Variants in KAT6B observed in about 807,000 individuals in gnomAD.
KAT6B encodes lysine acetyltransferase 6B, also known as histone acetyltransferase KAT6B.
In KAT6B, 10 loss-of-function variants were observed where a neutral mutation model predicts 187.5. The ratio of observed to expected loss-of-function variants is 0.05; its 90% CI spans 0.03 to 0.09. The LOEUF (loss-of-function observed/expected upper bound fraction) is 0.09. Ranked by LOEUF, KAT6B falls within the 10% of genes least tolerant of loss-of-function variation. The pLI is 1.00. For synonymous variants in KAT6B, 861 were observed against 926.8 expected, an observed-to-expected ratio of 0.93 and a Z score of 1.29; for missense variants, 1,952 against 2,558.9, an observed-to-expected ratio of 0.76 and a Z score of 5.12.
chr10:74,985,338 A>G, intron 12 of KAT6B, 97 bp downstream of exon 12: 1 of 1,186,064 alleles, frequency 8.4e-7, no homozygotes, highest in Non-Finnish European at 1.2e-6. Context: ...CTATAATTTG[A>G]ATAAGTGACA....
At chr10:75,008,062 C>T (rs1844343863) in intron 13 of KAT6B, among the ~76,000 whole-genome samples, 1 of 152,174 alleles carries the variant, frequency 6.6e-6, no homozygotes, top group Non-Finnish European at 1.5e-5. Flanking sequence ...CTGTAAATTT[C>T]ACTTTCACTC....
chr10:74,914,508 A>G (rs1847506854), intron 3 of KAT6B, among the ~76,000 whole-genome samples: 1 of 152,214 alleles, frequency 6.6e-6, no homozygotes, highest in Admixed American at 6.5e-5. Flanking sequence ...ATTTACTACA[A>G]AGGTTAAAGC....
intron 4 of KAT6B, 94 bp from the exon 5 acceptor site, chr10:74,969,566 G>A (rs1841714581): frequency 1.3e-6 from 1 of 748,946 alleles, no homozygotes; most frequent in African/African-American, 1.7e-5. Context: ...TCATTGGCTA[G>A]CCTCATCAGC....
At chr10:74,839,524 G>A (rs377410603) in intron 2 of KAT6B, among the ~76,000 whole-genome samples, 20 of 152,146 alleles carry the variant, frequency 1.3e-4, no homozygotes, top group African/African-American at 4.8e-4. Context: ...GAGCCACCAC[G>A]CCCGGCTATG....
At chr10:75,024,258 A>G (rs1845647177) in intron 16 of KAT6B, 1 of 150,472 alleles carries the variant, frequency 6.6e-6, no homozygotes, top group African/African-American at 2.4e-5. Context: ...AAAATAAAAG[A>G]AAAAAATATT....
intron 3 of KAT6B, among the ~76,000 whole-genome samples, chr10:74,866,590 T>A (rs540389005): frequency 7.4e-4 from 113 of 151,856 alleles, no homozygotes; most frequent in African/African-American, 2.6e-3. Flanking sequence ...GTAGATTTAC[T>A]AAAAAAAAGG....
intron 3 of KAT6B, among the ~76,000 whole-genome samples, chr10:74,859,144 G>A (rs1424598064): frequency 6.6e-6 from 1 of 151,978 alleles, no homozygotes; most frequent in African/African-American, 2.4e-5. Context: ...GCAGTGGCAC[G>A]ATCTTGGCTC....
chr10:74,994,029 C>A (rs1843270939), intron 13 of KAT6B, among the ~76,000 whole-genome samples: 2 of 152,096 alleles, frequency 1.3e-5, no homozygotes, highest in Non-Finnish European at 2.9e-5. Flanking sequence ...ATATAAATAT[C>A]AATTCTCATC....
At chr10:75,017,155 G>A (rs540763805) in intron 13 of KAT6B, among the ~76,000 whole-genome samples, 15 of 151,494 alleles carry the variant, frequency 9.9e-5, no homozygotes, top group Admixed American at 2.6e-4. Context: ...GAGCCACCGC[G>A]CCCAGCCAAG....
chr10:75,016,275 C>T (rs1844967947), intron 13 of KAT6B, among the ~76,000 whole-genome samples: 1 of 152,198 alleles, frequency 6.6e-6, no homozygotes, highest in Admixed American at 6.5e-5. Flanking sequence ...GATTCTTTTA[C>T]TGCAAGTAGT....
intron 3 of KAT6B, among the ~76,000 whole-genome samples, chr10:74,875,489 T>TC (rs35637134): frequency 1.9e-4 from 28 of 151,270 alleles, no homozygotes; most frequent in Non-Finnish European, 3.7e-4. Context: ...TTTTTTTTTT[T>TC]CCCTTGAGAT....
chr10:74,954,911 C>T (rs758485932), intron 3 of KAT6B, among the ~76,000 whole-genome samples: 22 of 152,112 alleles, frequency 1.4e-4, no homozygotes, highest in Non-Finnish European at 2.5e-4. Context: ...TTCCTCTGTC[C>T]TCTGTATTTC....
At chr10:74,846,575 A>C (rs1842116900) in intron 3 of KAT6B, among the ~76,000 whole-genome samples, 1 of 152,058 alleles carries the variant, frequency 6.6e-6, no homozygotes, top group Admixed American at 6.6e-5. Flanking sequence ...AGTAGCTGGG[A>C]CTACAGGAGC....
At chr10:74,871,452 C>G (rs920035846) in intron 3 of KAT6B, among the ~76,000 whole-genome samples, 1 of 152,164 alleles carries the variant, frequency 6.6e-6, no homozygotes, top group Non-Finnish European at 1.5e-5. Context: ...CTTGGCTTCC[C>G]AAAGTGTTGG....
At chr10:74,987,845 A>T (rs1334523515) in intron 12 of KAT6B, among the ~76,000 whole-genome samples, 1 of 152,212 alleles carries the variant, frequency 6.6e-6, no homozygotes, top group Non-Finnish European at 1.5e-5. Context: ...TTCTTTTTAG[A>T]GAGAGTGACC....
intron 3 of KAT6B, among the ~76,000 whole-genome samples, chr10:74,862,497 G>A (rs1019928025): frequency 1.3e-5 from 2 of 152,116 alleles, no homozygotes; most frequent in Admixed American, 6.6e-5. Context: ...TGTTGGAGTG[G>A]GAGTCAGGCA....
intron 1 of KAT6B, among the ~76,000 whole-genome samples, chr10:74,831,851 G>A (rs1840887454): frequency 6.6e-6 from 1 of 152,190 alleles, no homozygotes; most frequent in African/African-American, 2.4e-5. Context: ...TGATTTAGTA[G>A]CATGTCCAAT....
intron 3 of KAT6B, among the ~76,000 whole-genome samples, chr10:74,943,222 G>A (rs555798534): frequency 6.6e-6 from 1 of 152,248 alleles, no homozygotes; most frequent in Admixed American, 6.5e-5. Context: ...ATTTACAATA[G>A]CATCAAATAC....
chr10:75,029,684 T>G lies in KAT6B; in HGVS notation c.4860T>G (p.Pro1620=). Residue 1620 remains proline (P), a synonymous_variant, in exon 18 of 18, where the codon CCT becomes CCG. Transcript: ENST00000287239. This position sits in a 1 kb window ranked among gnomAD's most constrained non-coding sequence, Gnocchi z 6.2. ...SVRSVNSPSV[P]ALENSYAQIS... ...GTTCTGTCAACAGCCCAAGTGTCCC[T>G]GCTCTGGAAAACAGCTACGCCCAAA... The G allele has an allele frequency of 1.2e-6, 2 of 1,614,206 alleles. No homozygotes were observed. Among genetic ancestry groups the G allele is most frequent in the Non-Finnish European group, 1.7e-6 (2 of 1,180,036 alleles).
Sources: allele counts gnomAD v4.1 joint callset (sites outside exome capture counted in the v4.1 genomes callset), GRCh38; gene constraint gnomAD v4.1.1; non-coding constraint Gnocchi (gnomAD v3.1); transcripts MANE v1.5; gene names NCBI Gene and HGNC (gene_info 2026-07-23, HGNC 2026-07-21).